Variants in NAALADL2 observed in about 807,000 individuals in gnomAD.
NAALADL2 encodes N-acetylated alpha-linked acidic dipeptidase like 2.
NAALADL2 carries 76 observed loss-of-function variants against 87.2 expected under a neutral mutation model. That is an observed-to-expected ratio of 0.87 (90% CI 0.72 to 1.05). NAALADL2 has a LOEUF of 1.05. Among genes scored for constraint, NAALADL2 ranks in the 50% least tolerant of loss-of-function variants. The pLI, the probability that NAALADL2 is intolerant of heterozygous loss-of-function variation, is 0.00. For missense variants in NAALADL2, 1,089 were observed against 945.8 expected (o/e 1.15, Z -1.99); for synonymous variants, 354 against 331.0 (o/e 1.07, Z -0.75).
chr3:175,665,471 A>G (rs891495656), intron 11 of NAALADL2, among the ~76,000 whole-genome samples: 18 of 152,328 alleles, frequency 1.2e-4, no homozygotes, highest in Admixed American at 7.2e-4. Flanking sequence ...TCCTAAATAC[A>G]TAGAAAGGTG....
chr3:174,870,726 A>T (rs1005201873), intron 1 of NAALADL2, among the ~76,000 whole-genome samples: 2 of 152,160 alleles, frequency 1.3e-5, no homozygotes, highest in Non-Finnish European at 2.9e-5. Context: ...GAGCTACTTT[A>T]AAAAAATAGA....
intron 3 of NAALADL2, among the ~76,000 whole-genome samples, chr3:174,851,366 A>T (rs200514711): frequency 1.4e-5 from 2 of 139,834 alleles, no homozygotes; most frequent in East Asian, 2.1e-4. Flanking sequence ...CCAGACTAAA[A>T]AAAAAAAAAA....
At chr3:175,750,019 G>T (rs73881372) in intron 12 of NAALADL2, among the ~76,000 whole-genome samples, 61 of 152,284 alleles carry the variant, frequency 4.0e-4, no homozygotes, top group African/African-American at 1.4e-3. Context: ...ATTGTGTTAA[G>T]TTCCTTACAT....
intron 13 of NAALADL2, among the ~76,000 whole-genome samples, chr3:175,795,904 G>T (rs1753419743): frequency 6.6e-6 from 1 of 151,758 alleles, no homozygotes; most frequent in South Asian, 2.1e-4. Context: ...GCTGGGTCTT[G>T]TTATCTGTAT....
intron 11 of NAALADL2, among the ~76,000 whole-genome samples, chr3:175,636,712 A>G (rs1204776761): frequency 5.9e-5 from 9 of 151,394 alleles, no homozygotes; most frequent in Admixed American, 1.3e-4. Flanking sequence ...AAAAAAAAAA[A>G]AAGAAAAAAA....
chr3:175,491,208 A>G (rs1242862212), intron 9 of NAALADL2, among the ~76,000 whole-genome samples: 1 of 137,190 alleles, frequency 7.3e-6, no homozygotes, highest in Non-Finnish European at 1.6e-5. Context: ...TATAAATATA[A>G]TAAAATAAAT....
At chr3:175,295,718 A>AACAC (rs58935758) in intron 4 of NAALADL2, among the ~76,000 whole-genome samples, 24,730 of 143,518 alleles carry the variant, frequency 0.17, 2,569 homozygotes, top group Middle Eastern at 0.25. Context: ...CATGCACACA[A>AACAC]ACACACACAC....
intron 11 of NAALADL2, among the ~76,000 whole-genome samples, chr3:175,684,588 G>C (rs531466859): frequency 6.6e-6 from 1 of 152,250 alleles, no homozygotes; most frequent in Admixed American, 6.5e-5. Flanking sequence ...GATGCCAGGA[G>C]TTTGAGACCA....
intron 1 of NAALADL2, among the ~76,000 whole-genome samples, chr3:175,043,436 A>G (rs889874827): frequency 2.0e-5 from 3 of 152,074 alleles, no homozygotes; most frequent in Non-Finnish European, 4.4e-5. Flanking sequence ...ATGGGATTTT[A>G]TCACATTTGT....
At chr3:174,953,812 G>GT (rs1560407513) in intron 1 of NAALADL2, among the ~76,000 whole-genome samples, 1 of 151,870 alleles carries the variant, frequency 6.6e-6, no homozygotes. Context: ...TATTTCTATT[G>GT]TTTCTCATGG....
chr3:174,689,352 G>A (rs1728343232), intron 2 of NAALADL2, among the ~76,000 whole-genome samples: 1 of 150,982 alleles, frequency 6.6e-6, no homozygotes, highest in African/African-American at 2.4e-5. Context: ...AATACCAATT[G>A]TTTCATGAAC....
intron 1 of NAALADL2, among the ~76,000 whole-genome samples, chr3:175,054,800 T>A (rs1340617900): frequency 6.6e-6 from 1 of 152,204 alleles, no homozygotes; most frequent in East Asian, 1.9e-4. Flanking sequence ...CCCCATTTCA[T>A]GCATCATATG....
At chr3:174,946,178 A>G (rs576044694) in intron 1 of NAALADL2, among the ~76,000 whole-genome samples, 2 of 152,052 alleles carry the variant, frequency 1.3e-5, no homozygotes, top group African/African-American at 4.8e-5. Context: ...AAGCCTATCA[A>G]GAATTTGAGC....
intron 2 of NAALADL2, among the ~76,000 whole-genome samples, chr3:174,593,158 G>T (rs1717554073): frequency 6.6e-6 from 1 of 152,034 alleles, no homozygotes; most frequent in Non-Finnish European, 1.5e-5. Flanking sequence ...ATAATACAGA[G>T]AAATTTCCAT....
At chr3:175,497,020 C>T (rs1366850308) in intron 9 of NAALADL2, among the ~76,000 whole-genome samples, 2 of 152,086 alleles carry the variant, frequency 1.3e-5, no homozygotes, top group Non-Finnish European at 2.9e-5. Flanking sequence ...TGTTCAAGAT[C>T]ACACAGACTG....
intron 11 of NAALADL2, among the ~76,000 whole-genome samples, chr3:175,695,947 G>A (rs1343555584): frequency 6.6e-6 from 1 of 152,036 alleles, no homozygotes; most frequent in African/African-American, 2.4e-5. Flanking sequence ...CTGATAGCTC[G>A]CCATCTCACT....
chr3:175,343,655 G>GTTTTTTTGTTTTTT (rs1762799203), intron 5 of NAALADL2, among the ~76,000 whole-genome samples: 2 of 64,724 alleles, frequency 3.1e-5, no homozygotes, highest in Non-Finnish European at 6.6e-5. Context: ...TCTTGATCAT[G>GTTTTTTTGTTTTTT]TTTTTTTTTT....
chr3:174,793,685 C>T (rs1387999137), intron 3 of NAALADL2, among the ~76,000 whole-genome samples: 1 of 152,082 alleles, frequency 6.6e-6, no homozygotes, highest in Non-Finnish European at 1.5e-5. Flanking sequence ...CATTAAAAAT[C>T]CGTGATCTTA....
intron 2 of NAALADL2, among the ~76,000 whole-genome samples, chr3:174,700,230 T>G (rs1182624886): frequency 3.1e-5 from 1 of 31,930 alleles, no homozygotes; most frequent in African/African-American, 1.2e-4. Context: ...TTTGCCACAG[T>G]TTTTTTTTTT....
Sources: gnomAD v4.1 joint callset for allele counts (sites outside exome capture counted in the v4.1 genomes callset) on GRCh38, gnomAD v4.1.1 for gene constraint, MANE v1.5 for transcripts, NCBI Gene and HGNC (gene_info 2026-07-23, HGNC 2026-07-21) for gene names.